IFT80: variants seen among roughly 807,000 people sequenced by gnomAD.
The protein encoded by IFT80 is intraflagellar transport protein 80 homolog.
A neutral mutation model predicts 107.9 loss-of-function variants in IFT80; 79 were observed. The observed-to-expected ratio is 0.73, with a 90% confidence interval of 0.61 to 0.88. IFT80 has a LOEUF of 0.88. IFT80 is among the 40% of genes least tolerant of loss of function. The pLI, the probability that IFT80 is intolerant of heterozygous loss-of-function variation, is 0.00. For missense variants in IFT80, 797 were observed against 914.2 expected, an observed-to-expected ratio of 0.87 and a Z score of 1.65; for synonymous variants, 299 against 300.9, an observed-to-expected ratio of 0.99 and a Z score of 0.07.
intron 19 of IFT80, 110 bp downstream of exon 19, chr3:160,268,303 G>A (rs1477217678): frequency 2.1e-6 from 2 of 940,474 alleles, no homozygotes; most frequent in African/African-American, 1.7e-5. Context: ...AATTCTTTTA[G>A]AGGTTAAAAG....
intron 8 of IFT80, among the ~76,000 whole-genome samples, chr3:160,332,385 T>C (rs1719152001): frequency 6.6e-6 from 1 of 152,120 alleles, no homozygotes; most frequent in Non-Finnish European, 1.5e-5. Context: ...TGGAGGCTTT[T>C]ATTGGTGTGC....
chr3:160,350,284 T>G (rs895951488), intron 8 of IFT80, among the ~76,000 whole-genome samples: 3 of 151,580 alleles, frequency 2.0e-5, no homozygotes, highest in African/African-American at 7.3e-5. Flanking sequence ...GGAGTGGTGG[T>G]GGACGCCTGT....
chr3:160,332,252 A>AGGT, intron 8 of IFT80, among the ~76,000 whole-genome samples: 1 of 152,300 alleles, frequency 6.6e-6, no homozygotes, highest in East Asian at 1.9e-4. Flanking sequence ...TGGAAAGATT[A>AGGT]GGTTTATTAC....
intron 8 of IFT80, among the ~76,000 whole-genome samples, chr3:160,355,381 T>C (rs1295614606): frequency 1.3e-5 from 2 of 152,190 alleles, no homozygotes; most frequent in Non-Finnish European, 2.9e-5. Context: ...TCCCAGTAGC[T>C]GGGACCACAG....
chr3:160,378,456 C>T (rs967580122), intron 3 of IFT80, among the ~76,000 whole-genome samples: 5 of 151,912 alleles, frequency 3.3e-5, no homozygotes, highest in African/African-American at 7.3e-5. Flanking sequence ...AGCAAATACA[C>T]CCCATTGGAA....
intron 3 of IFT80, among the ~76,000 whole-genome samples, chr3:160,380,036 CTTTTTTT>C (rs11325261): frequency 1.5e-5 from 2 of 134,168 alleles, no homozygotes; most frequent in Non-Finnish European, 3.2e-5. Context: ...GTCTTTTTTT[CTTTTTTT>C]TTTTTTTTGA....
intron 9 of IFT80, among the ~76,000 whole-genome samples, chr3:160,318,072 A>G (rs1381073362): frequency 6.6e-6 from 1 of 151,686 alleles, no homozygotes; most frequent in Admixed American, 6.6e-5. Flanking sequence ...TATAAATGAA[A>G]TACAATGTCT....
intron 19 of IFT80, among the ~76,000 whole-genome samples, chr3:160,265,268 C>T (rs936658020): frequency 4.6e-5 from 7 of 152,182 alleles, no homozygotes; most frequent in African/African-American, 1.7e-4. Flanking sequence ...GCTAACAACT[C>T]CTCACTATTA....
chr3:160,362,998 G>A (rs1721607917), intron 6 of IFT80, among the ~76,000 whole-genome samples: 1 of 152,146 alleles, frequency 6.6e-6, no homozygotes, highest in Non-Finnish European at 1.5e-5. Context: ...ATTCAACATA[G>A]TGTTGGAAGT....
chr3:160,264,144 C>T (rs1713094540), intron 19 of IFT80, among the ~76,000 whole-genome samples: 1 of 151,678 alleles, frequency 6.6e-6, no homozygotes, highest in South Asian at 2.1e-4. Flanking sequence ...GAGTCTTGCT[C>T]TGTTGCCCAG....
At chr3:160,337,773 G>T (rs1719607150) in intron 8 of IFT80, among the ~76,000 whole-genome samples, 1 of 152,064 alleles carries the variant, frequency 6.6e-6, no homozygotes, top group Non-Finnish European at 1.5e-5. Flanking sequence ...TAAGTGACTT[G>T]GTCTTTTCTT....
intron 12 of IFT80, among the ~76,000 whole-genome samples, chr3:160,288,976 T>C (rs1576757273): frequency 6.6e-6 from 1 of 152,216 alleles, no homozygotes; most frequent in South Asian, 2.1e-4. Context: ...CAAAGGAATA[T>C]AAATCAGTTT....
intron 8 of IFT80, among the ~76,000 whole-genome samples, chr3:160,338,350 T>A (rs1043737147): frequency 6.6e-6 from 1 of 152,264 alleles, no homozygotes; most frequent in South Asian, 2.1e-4. Flanking sequence ...ACGCCTGTAA[T>A]CCTAGCACAG....
At chr3:160,356,633 G>A (rs1016171610) in intron 7 of IFT80, among the ~76,000 whole-genome samples, 15 of 152,096 alleles carry the variant, frequency 9.9e-5, no homozygotes, top group African/African-American at 3.6e-4. Flanking sequence ...AGATCTTCCT[G>A]CTTTAGCCTT....
intron 6 of IFT80, among the ~76,000 whole-genome samples, chr3:160,361,596 C>T (rs539887221): frequency 6.6e-6 from 1 of 152,338 alleles, no homozygotes; most frequent in East Asian, 1.9e-4. Context: ...CCACACCACA[C>T]TTATTCCAAA....
At chr3:160,343,267 T>A (rs1720049393) in intron 8 of IFT80, among the ~76,000 whole-genome samples, 1 of 152,214 alleles carries the variant, frequency 6.6e-6, no homozygotes, top group Admixed American at 6.5e-5. Flanking sequence ...GCCTTTTTAT[T>A]ATAATGCTTA....
chr3:160,329,946 A>G (rs1428588368), intron 8 of IFT80, among the ~76,000 whole-genome samples: 1 of 152,020 alleles, frequency 6.6e-6, no homozygotes, highest in Non-Finnish European at 1.5e-5. Context: ...TCTTTCTTTG[A>G]CCAGACTCTC....
chr3:160,375,788 G>A (rs1225259949), intron 5 of IFT80, 24 bp downstream of exon 5: 1 of 1,576,830 alleles, frequency 6.3e-7, no homozygotes, highest in Admixed American at 1.7e-5. Context: ...TTGCAAAAAT[G>A]AAATTGTCAA....
chr3:160,277,466 G>A lies in IFT80; in HGVS notation c.1939C>T (p.Gln647Ter), dbSNP rs572681296. 1 of 1,604,122 alleles carries A rather than the reference G, an allele frequency of 6.2e-7. No individual in the cohort carries two copies. The highest frequency in any genetic ancestry group is 8.5e-7 in the Non-Finnish European group (1 of 1,171,532). ...YAAIGEIDKV[Q>*]YINSIKNLPS... Reference sequence around the variant, plus strand: ...AGATTTTTTATAGAATTGATGTACTGAACCTTATCAATCTAAAAAAGAAAA... The same window carrying A: ...AGATTTTTTATAGAATTGATGTACTAAACCTTATCAATCTAAAAAAGAAAA... The change falls in exon 18 of 20, where the codon CAG becomes TAG. Residue 647 changes from glutamine to a stop codon, truncating the protein, a stop_gained. Coordinates refer to ENST00000326448, the MANE Select transcript of IFT80 (RefSeq NM_020800.3). LOFTEE classifies it high-confidence loss of function.
Sources: gnomAD v4.1 joint callset for allele counts (sites outside exome capture counted in the v4.1 genomes callset) on GRCh38, gnomAD v4.1.1 for gene constraint, MANE v1.5 for transcripts, NCBI Gene and HGNC (gene_info 2026-07-23, HGNC 2026-07-21) for gene names.